PPM1E: variants seen among roughly 807,000 people sequenced by gnomAD.
The protein encoded by PPM1E is protein phosphatase 1E.
PPM1E carries 20 observed loss-of-function variants against 65.9 expected under a neutral mutation model. The observed-to-expected ratio is 0.30, with a 90% CI of 0.21 to 0.44. The LOEUF is 0.44. PPM1E is among the 20% of genes least tolerant of loss of function. The pLI is 1.00. For missense variants in PPM1E, 713 were observed against 953.1 expected, an observed-to-expected ratio of 0.75 and a Z score of 3.32; for synonymous variants, 352 against 374.9, an observed-to-expected ratio of 0.94 and a Z score of 0.70.
At chr17:58,806,494 A>G (rs939792989) in intron 1 of PPM1E, among the ~76,000 whole-genome samples, 11 of 151,902 alleles carry the variant, frequency 7.2e-5, no homozygotes, top group Admixed American at 1.3e-4. Context: ...CTCTTCGTCT[A>G]TGTGCTAATG....
chr17:58,945,934 T>C (rs1268674318), intron 1 of PPM1E, among the ~76,000 whole-genome samples: 1 of 152,172 alleles, frequency 6.6e-6, no homozygotes, highest in African/African-American at 2.4e-5. Context: ...ATCCCATCTT[T>C]TAAGGATTTG....
intron 1 of PPM1E, among the ~76,000 whole-genome samples, chr17:58,891,835 T>TC (rs1174452689): frequency 7.5e-6 from 1 of 133,994 alleles, no homozygotes; most frequent in Non-Finnish European, 1.6e-5. Context: ...TCTTTTTCTT[T>TC]TTTTTTTTTT....
chr17:58,845,412 G>T, intron 1 of PPM1E, among the ~76,000 whole-genome samples: 2 of 147,486 alleles, frequency 1.4e-5, no homozygotes, highest in Admixed American at 6.9e-5. Context: ...TAATATTATT[G>T]TACAACTATC....
At chr17:58,869,005 A>G (rs1318412000) in intron 1 of PPM1E, among the ~76,000 whole-genome samples, 1 of 152,142 alleles carries the variant, frequency 6.6e-6, no homozygotes, top group African/African-American at 2.4e-5. Flanking sequence ...TGTCTTTACT[A>G]AAAATACAAA....
chr17:58,961,649 ATC>A (rs973953150), intron 2 of PPM1E, among the ~76,000 whole-genome samples: 11 of 152,210 alleles, frequency 7.2e-5, no homozygotes, highest in African/African-American at 1.7e-4. Context: ...AACCAAGTTA[ATC>A]TGTCTATACC....
intron 1 of PPM1E, among the ~76,000 whole-genome samples, chr17:58,801,182 T>C (rs1264942189): frequency 2.6e-5 from 4 of 152,150 alleles, no homozygotes; most frequent in African/African-American, 9.7e-5. Flanking sequence ...GTCATGTTGG[T>C]TGTTAGTGTT....
chr17:58,917,603 G>A (rs1156333195), intron 1 of PPM1E, among the ~76,000 whole-genome samples: 3 of 152,192 alleles, frequency 2.0e-5, no homozygotes, highest in Non-Finnish European at 2.9e-5. Flanking sequence ...AACTTAAGCA[G>A]CACAGAACCA....
chr17:58,843,159 G>C (rs551699281), intron 1 of PPM1E, among the ~76,000 whole-genome samples: 1 of 151,136 alleles, frequency 6.6e-6, no homozygotes, highest in African/African-American at 2.4e-5. Context: ...TGGTGGCGGC[G>C]CCTGTAGTCC....
intron 1 of PPM1E, among the ~76,000 whole-genome samples, chr17:58,783,864 C>T (rs184402233): frequency 1.7e-4 from 26 of 151,956 alleles, no homozygotes; most frequent in Non-Finnish European, 3.1e-4. Flanking sequence ...ACCACCACCA[C>T]GCCCAGCTAC....
intron 1 of PPM1E, among the ~76,000 whole-genome samples, chr17:58,820,688 C>T (rs1338897545): frequency 1.3e-5 from 2 of 152,206 alleles, no homozygotes; most frequent in African/African-American, 4.8e-5. Flanking sequence ...ACTATTATTT[C>T]ATTATAGGGT....
intron 1 of PPM1E, among the ~76,000 whole-genome samples, chr17:58,885,301 C>T (rs2051252702): frequency 6.6e-6 from 1 of 152,218 alleles, no homozygotes; most frequent in Non-Finnish European, 1.5e-5. Flanking sequence ...AGGTGATCTG[C>T]CCGCCTTGCC....
At chr17:58,909,924 C>CTTTTTTTTTTTTTTTT (rs35833275) in intron 1 of PPM1E, among the ~76,000 whole-genome samples, 24 of 90,038 alleles carry the variant, frequency 2.7e-4, no homozygotes, top group African/African-American at 4.4e-4. Context: ...TTTTCTTTTT[C>CTTTTTTTTTTTTTTTT]TTTTTTTTTT....
chr17:58,863,670 A>C (rs1015249923), intron 1 of PPM1E, among the ~76,000 whole-genome samples: 1 of 152,272 alleles, frequency 6.6e-6, no homozygotes, highest in East Asian at 1.9e-4. Flanking sequence ...ACAGACTTGA[A>C]GGATGGTGAA....
Position 58,983,010 on chromosome 17 carries a change from A to AATT in PPM1E, c.*1980_*1982dup, listed in dbSNP as rs894263385. 1 of 1,251,026 alleles carries AATT rather than the reference A, an allele frequency of 8.0e-7. No homozygotes were observed. Among genetic ancestry groups the AATT allele is most frequent in the African/African-American group, 1.5e-5 (1 of 65,866 alleles). 77.5% of individuals were successfully genotyped at this position (1,251,026 alleles called of 1,614,324 possible). On this transcript the variant is annotated 3_prime_UTR_variant, in exon 7 of 7. Coordinates refer to ENST00000308249, the MANE Select transcript of PPM1E (RefSeq NM_014906.5). ...CGAAGTAAAAAAAAAAGCTTTTTAA[A>AATT]ATTTCTATTGTTGTCTATTGGTAAT...
At chr17:58,797,093 G>A (rs757145107) in intron 1 of PPM1E, among the ~76,000 whole-genome samples, 2 of 152,064 alleles carry the variant, frequency 1.3e-5, no homozygotes, top group African/African-American at 2.4e-5. Context: ...GGACAGGAGC[G>A]AAACTCCATC....
At position 58,980,682 on chromosome 17, in the gene PPM1E, A is replaced by G; in HGVS notation, c.1919A>G (p.Tyr640Cys). The change falls in exon 7 of 7, where the codon TAC becomes TGC. Residue 640 changes from tyrosine to cysteine, a missense_variant. By Grantham distance (194) the Tyr-to-Cys change is radical. Coordinates refer to ENST00000308249, the MANE Select transcript of PPM1E (RefSeq NM_014906.5). This position sits in a 1 kb window ranked among gnomAD's most constrained non-coding sequence, Gnocchi z 4.7. ...TTGGGTTCAACAGGGGAGCAGATAT[A>G]CAGAATGCAGAGCTTGTCTCCTGTC... is the stretch of plus-strand genomic sequence containing the variant. ...FNLGSTGEQIYRMQSLSPVCS... is the reference protein window; with the variant it reads ...FNLGSTGEQICRMQSLSPVCS... 1.2e-6 allele frequency: 2 copies of G among 1,614,224 alleles called. No homozygotes were observed. Among genetic ancestry groups the G allele is most frequent in the Non-Finnish European group, 1.7e-6 (2 of 1,180,036 alleles).
chr17:58,831,758 G>A (rs1245629526), intron 1 of PPM1E, among the ~76,000 whole-genome samples: 1 of 152,082 alleles, frequency 6.6e-6, no homozygotes, highest in East Asian at 1.9e-4. Flanking sequence ...GTATGTTAAG[G>A]TTGCTACTCC....
intron 1 of PPM1E, among the ~76,000 whole-genome samples, chr17:58,901,439 C>T (rs941523785): frequency 1.0e-4 from 15 of 150,432 alleles, no homozygotes; most frequent in African/African-American, 3.2e-4. Context: ...TTTTGGAGGC[C>T]GAGGCAGGCA....
rs949374454 is a variant in PPM1E, at chr17:58,756,612, G to A, written c.464+151G>A. The A allele has an allele frequency of 3.2e-5, 32 of 1,013,460 alleles. No individual in the cohort carries two copies. The South Asian group carries it at 1.0e-3, about 32-fold the overall frequency. The allele number at this position is 1,013,460 out of a possible 1,614,324, so 62.8% of individuals were successfully genotyped here. A position where few individuals can be genotyped will look rare whatever the true frequency, so the allele number is the denominator to read the frequency against. On this transcript the variant is annotated intron_variant, in intron 1 of 6. Transcript: ENST00000308249. ...CCGCTGAAAGCGCCCCCGCTGCTCG[G>A]ACCCGGGCGGTCGGCTGAGAGCTGC...
Sources: gnomAD v4.1 joint callset for allele counts (sites outside exome capture counted in the v4.1 genomes callset) on GRCh38, gnomAD v4.1.1 for gene constraint, Gnocchi (gnomAD v3.1) non-coding constraint, MANE v1.5 for transcripts, NCBI Gene and HGNC (gene_info 2026-07-23, HGNC 2026-07-21) for gene names.